Variants in TRPS1 observed in about 807,000 individuals in gnomAD.
TRPS1 encodes zinc finger transcription factor Trps1.
Under a neutral mutation model 101.2 loss-of-function variants are expected in TRPS1, and 6 were observed. That is an observed-to-expected ratio of 0.06 (90% confidence interval 0.03 to 0.12). The LOEUF is 0.12. Among genes scored for constraint, TRPS1 ranks in the 10% least tolerant of loss-of-function variants. The pLI is 1.00. For missense variants in TRPS1, 1,363 were observed against 1,567.0 expected (o/e 0.87, Z 2.20); for synonymous variants, 578 against 589.8 (o/e 0.98, Z 0.29).
intron 5 of TRPS1, among the ~76,000 whole-genome samples, chr8:115,482,859 A>G (rs775661113): frequency 6.6e-6 from 1 of 152,236 alleles, no homozygotes; most frequent in Non-Finnish European, 1.5e-5. Flanking sequence ...CAAAATGCAC[A>G]GAAAGCCATG....
intron 5 of TRPS1, among the ~76,000 whole-genome samples, chr8:115,470,398 T>C (rs1814437099): frequency 6.6e-6 from 1 of 152,222 alleles, no homozygotes; most frequent in Non-Finnish European, 1.5e-5. Context: ...TGCATGTTTT[T>C]ACATATTAAG....
At chr8:115,592,947 C>T (rs180738264) in intron 4 of TRPS1, among the ~76,000 whole-genome samples, 35 of 152,100 alleles carry the variant, frequency 2.3e-4, no homozygotes, top group Non-Finnish European at 4.7e-4. Context: ...TCTTAATATA[C>T]CTGTATATAT....
At chr8:115,450,058 T>TA (rs1813830333) in intron 5 of TRPS1, among the ~76,000 whole-genome samples, 1 of 151,274 alleles carries the variant, frequency 6.6e-6, no homozygotes, top group African/African-American at 2.4e-5. Flanking sequence ...ATAAACAAAT[T>TA]AGAGTATATA....
chr8:115,515,495 G>A (rs1462371408), intron 5 of TRPS1, among the ~76,000 whole-genome samples: 1 of 151,338 alleles, frequency 6.6e-6, no homozygotes, highest in Non-Finnish European at 1.5e-5. Flanking sequence ...TATTTTTAAG[G>A]TAACTGACCT....
intron 5 of TRPS1, among the ~76,000 whole-genome samples, chr8:115,542,504 A>T (rs2130310751): frequency 1.3e-5 from 2 of 152,262 alleles, no homozygotes; most frequent in South Asian, 2.1e-4. Flanking sequence ...CTGAAAGGAA[A>T]AACGCCAGAG....
intron 5 of TRPS1, among the ~76,000 whole-genome samples, chr8:115,482,593 C>T (rs369143308): frequency 6.6e-6 from 1 of 152,132 alleles, no homozygotes; most frequent in African/African-American, 2.4e-5. Flanking sequence ...AAACATAGGC[C>T]TTTTAGTGTT....
intron 5 of TRPS1, among the ~76,000 whole-genome samples, chr8:115,519,585 A>G (rs1815807413): frequency 6.6e-6 from 1 of 151,556 alleles, no homozygotes. Context: ...TTTAGTACAC[A>G]ATAGATGTGG....
intron 5 of TRPS1, among the ~76,000 whole-genome samples, chr8:115,480,335 G>A (rs1019243977): frequency 2.0e-5 from 3 of 152,086 alleles, no homozygotes; most frequent in African/African-American, 7.2e-5. Flanking sequence ...TTATTTAGAA[G>A]TTTAAATATA....
chr8:115,568,228 T>A (rs1216054717), intron 5 of TRPS1, among the ~76,000 whole-genome samples: 2 of 152,128 alleles, frequency 1.3e-5, no homozygotes, highest in African/African-American at 4.8e-5. Context: ...TTAATCTGAA[T>A]AATAAAAATA....
chr8:115,439,612 T>C (rs1813540966), intron 5 of TRPS1, among the ~76,000 whole-genome samples: 1 of 152,108 alleles, frequency 6.6e-6, no homozygotes, highest in South Asian at 2.1e-4. Context: ...TTTTGTACCC[T>C]GTTTACATTA....
Position 115,465,695 on chromosome 8 carries a change from A to G in TRPS1, c.2701-47243T>C, listed in dbSNP as rs980689789. Among the ~76,000 whole-genome samples, 4 of 152,102 alleles carry G rather than the reference A, an allele frequency of 2.6e-5. No homozygotes were observed. In the East Asian group the frequency reaches 7.7e-4, roughly 29 times the overall value. ...CTAGAGCAGACCTAATTTCTGTGCA[A>G]AAGTATGATCTTTCATTTTATCCAT... On this transcript the variant is annotated intron_variant, in intron 5 of 6. Coordinates refer to ENST00000395715, the MANE Select transcript of TRPS1 (RefSeq NM_014112.5).
At chr8:115,449,792 C>T (rs1813821972) in intron 5 of TRPS1, among the ~76,000 whole-genome samples, 1 of 152,142 alleles carries the variant, frequency 6.6e-6, no homozygotes, top group African/African-American at 2.4e-5. Context: ...CCTGATCAGT[C>T]CAATAATGGC....
rs142949350 is a variant in TRPS1, at chr8:115,652,253, C to T, written c.-122+16292G>A. Among the ~76,000 whole-genome samples the T allele has an allele frequency of 5.6e-3, 848 of 152,140 alleles. 4 individuals are homozygous for T. Among genetic ancestry groups the T allele is most frequent in the Middle Eastern group, 0.014 (4 of 294 alleles). ...GGCTTGGCTTCCATGAGGCTACTGG[C>T]GACTTCAATACAGCAATGTCAACAA... is the stretch of plus-strand genomic sequence containing the variant. On this transcript the variant is annotated intron_variant, in intron 1 of 6. Transcript: ENST00000395715.
intron 5 of TRPS1, among the ~76,000 whole-genome samples, chr8:115,495,774 A>C (rs1815134758): frequency 6.6e-6 from 1 of 152,170 alleles, no homozygotes; most frequent in Non-Finnish European, 1.5e-5. Flanking sequence ...AATTAACCAG[A>C]GGATCAGGTT....
intron 1 of TRPS1, among the ~76,000 whole-genome samples, chr8:115,646,073 A>T (rs1819018781): frequency 6.6e-6 from 1 of 152,196 alleles, no homozygotes; most frequent in Admixed American, 6.5e-5. Flanking sequence ...GAATAGTCTA[A>T]GCACTCCCAT....
chr8:115,528,122 A>G (rs1214919698), intron 5 of TRPS1, among the ~76,000 whole-genome samples: 1 of 152,128 alleles, frequency 6.6e-6, no homozygotes, highest in Non-Finnish European at 1.5e-5. Flanking sequence ...AAGTAACTTA[A>G]ATAGTCACCA....
intron 5 of TRPS1, among the ~76,000 whole-genome samples, chr8:115,465,162 G>A (rs543914295): frequency 7.2e-5 from 11 of 152,080 alleles, no homozygotes; most frequent in African/African-American, 2.2e-4. Context: ...CAAAGGACAC[G>A]AGAACACAAA....
At chr8:115,521,304 G>T (rs1815854960) in intron 5 of TRPS1, among the ~76,000 whole-genome samples, 1 of 151,806 alleles carries the variant, frequency 6.6e-6, no homozygotes, top group South Asian at 2.1e-4. Context: ...TTATCCACTG[G>T]ATGAGAGGCA....
intron 4 of TRPS1, among the ~76,000 whole-genome samples, chr8:115,589,600 G>A (rs1253249534): frequency 6.6e-6 from 1 of 152,124 alleles, no homozygotes; most frequent in African/African-American, 2.4e-5. Context: ...ATAATGGGAG[G>A]ATGAATTGAC....
Sources: allele counts gnomAD v4.1 joint callset (sites outside exome capture counted in the v4.1 genomes callset), GRCh38; gene constraint gnomAD v4.1.1; transcripts MANE v1.5; gene names NCBI Gene and HGNC (gene_info 2026-07-23, HGNC 2026-07-21).